PIK3C2G: variants seen among roughly 807,000 people sequenced by gnomAD.
The protein encoded by PIK3C2G is phosphatidylinositol-4-phosphate 3-kinase catalytic subunit type 2 gamma, also known as phosphatidylinositol 3-kinase C2 domain-containing subunit gamma.
In PIK3C2G, 168 loss-of-function variants were observed where a neutral mutation model predicts 181.1. The observed-to-expected ratio is 0.93, with a 90% CI of 0.82 to 1.05. The LOEUF is 1.05. Ranked by LOEUF, PIK3C2G falls within the 50% of genes least tolerant of loss-of-function variation. The pLI, the probability that PIK3C2G is intolerant of heterozygous loss-of-function variation, is 0.00. For synonymous variants in PIK3C2G, 573 were observed against 592.2 expected, an observed-to-expected ratio of 0.97 and a Z score of 0.47; for missense variants, 1,869 against 1,732.8, an observed-to-expected ratio of 1.08 and a Z score of -1.40.
chr12:18,407,701 G>C (rs1401558651), intron 16 of PIK3C2G, among the ~76,000 whole-genome samples: 1 of 152,080 alleles, frequency 6.6e-6, no homozygotes, highest in Non-Finnish European at 1.5e-5. Context: ...TTCTTCAAAG[G>C]AGAAAAGTCT....
chr12:18,478,817 A>G (rs1939258187), intron 18 of PIK3C2G, among the ~76,000 whole-genome samples: 1 of 151,984 alleles, frequency 6.6e-6, no homozygotes. Context: ...TCTACAAAAA[A>G]TTTAAAAATT....
chr12:18,384,668 T>A (rs112226964), intron 14 of PIK3C2G, among the ~76,000 whole-genome samples: 54 of 152,256 alleles, frequency 3.5e-4, no homozygotes, highest in African/African-American at 1.3e-3. Flanking sequence ...AGTTCCTTTA[T>A]CAACATAGAT....
At chr12:18,608,265 T>G (rs1948155328) in intron 30 of PIK3C2G, among the ~76,000 whole-genome samples, 1 of 152,100 alleles carries the variant, frequency 6.6e-6, no homozygotes, top group Non-Finnish European at 1.5e-5. Flanking sequence ...CACGTATGTT[T>G]ATTGCGGCAC....
At chr12:18,488,894 G>C (rs182440558) in intron 19 of PIK3C2G, among the ~76,000 whole-genome samples, 1 of 151,938 alleles carries the variant, frequency 6.6e-6, no homozygotes, top group African/African-American at 2.4e-5. Flanking sequence ...TAGGCAGTTG[G>C]ACTAAACAAG....
chr12:18,317,218 G>T (rs1050744621), intron 6 of PIK3C2G, among the ~76,000 whole-genome samples: 3 of 151,692 alleles, frequency 2.0e-5, no homozygotes, highest in Non-Finnish European at 2.9e-5. Context: ...TCACCATGTT[G>T]GTTAGGCTGG....
chr12:18,349,557 T>C (rs898703472), intron 11 of PIK3C2G, among the ~76,000 whole-genome samples: 1 of 152,184 alleles, frequency 6.6e-6, no homozygotes, highest in East Asian at 1.9e-4. Flanking sequence ...AATAATTTGA[T>C]TAAACAAATT....
At chr12:18,251,972 C>T (rs1403390249) in intron 1 of PIK3C2G, among the ~76,000 whole-genome samples, 1 of 152,038 alleles carries the variant, frequency 6.6e-6, no homozygotes, top group East Asian at 1.9e-4. Context: ...GTAAATGACA[C>T]TTATTCTGTA....
intron 31 of PIK3C2G, among the ~76,000 whole-genome samples, chr12:18,632,890 C>T (rs1949411058): frequency 6.6e-6 from 1 of 152,094 alleles, no homozygotes; most frequent in Admixed American, 6.5e-5. Flanking sequence ...ACAGACATAC[C>T]CTGTATTTAA....
the PIK3C2G span, among the ~76,000 whole-genome samples, chr12:18,669,989 C>G: frequency 1.2e-4 from 18 of 151,956 alleles, no homozygotes; most frequent in Non-Finnish European, 2.4e-4. Context: ...CTTATAAGGG[C>G]ATTAATCCTA....
Position 18,488,570 on chromosome 12 carries a change from A to C in PIK3C2G, c.2626A>C (p.Ile876Leu), listed in dbSNP as rs367947923. The C allele has an allele frequency of 1.3e-6, 2 of 1,577,328 alleles. No homozygotes were observed. The highest frequency in any genetic ancestry group is 1.8e-5 in the Admixed American group (1 of 56,060). The change falls in exon 19 of 33, where the codon ATC becomes CTC. Residue 876 changes from isoleucine to leucine, a missense_variant. By Grantham distance (5) the Ile-to-Leu change is conservative. Transcript: ENST00000538779. The part of the protein sequence containing the change: ...NDEFSKEQKL[I>L]KILGDIGERV... ...TGAGTTTTCCAAGGAGCAGAAACTT[A>C]TCAAAATTCTGGGAGATATTGGGGA...
At position 18,488,436 on chromosome 12, in the gene PIK3C2G, C is replaced by T. The variant is rs1420632939; in HGVS notation, c.2505-13C>T. On this transcript the variant is annotated splice_polypyrimidine_tract_variant and intron_variant, in intron 18 of 32. Transcript: ENST00000538779. ...TTTACATACAAGAATTTTTTTCTCTCTCTTTCCTTCAGGCTGCTAAAAAAT... is the reference window on the plus strand; with the variant it reads ...TTTACATACAAGAATTTTTTTCTCTTTCTTTCCTTCAGGCTGCTAAAAAAT... The T allele has an allele frequency of 2.0e-6, 3 of 1,480,042 alleles. No homozygotes were observed. Among genetic ancestry groups the T allele is most frequent in the African/African-American group, 1.4e-5 (1 of 69,026 alleles). The allele number at this position is 1,480,042 out of a possible 1,614,324, so 91.7% of individuals were successfully genotyped here.
intron 18 of PIK3C2G, among the ~76,000 whole-genome samples, chr12:18,481,294 T>C (rs530400761): frequency 6.6e-6 from 1 of 152,270 alleles, no homozygotes; most frequent in East Asian, 1.9e-4. Flanking sequence ...GGCTCACCTA[T>C]CCTGCATCAG....
chr12:18,499,618 T>C (rs541274462), intron 22 of PIK3C2G, among the ~76,000 whole-genome samples: 4 of 152,324 alleles, frequency 2.6e-5, no homozygotes, highest in Non-Finnish European at 5.9e-5. Context: ...AAAAATTACA[T>C]AGGGGGATGG....
intron 16 of PIK3C2G, among the ~76,000 whole-genome samples, chr12:18,415,457 C>A (rs762615067): frequency 6.6e-6 from 1 of 152,284 alleles, no homozygotes; most frequent in East Asian, 1.9e-4. Flanking sequence ...CTGCTGGCTG[C>A]TCCCTGTCTC....
chr12:18,647,350 C>CG (rs571784040), intron 32 of PIK3C2G, among the ~76,000 whole-genome samples: 43 of 151,718 alleles, frequency 2.8e-4, no homozygotes, highest in Non-Finnish European at 4.7e-4. Context: ...TTGGGTGCTA[C>CG]GTTCACTACT....
At chr12:18,657,151 G>C in the PIK3C2G span, among the ~76,000 whole-genome samples, 7 of 152,294 alleles carry the variant, frequency 4.6e-5, no homozygotes, top group African/African-American at 1.4e-4. Context: ...GGGAGAATTT[G>C]TTTGAAATAT....
At chr12:18,570,694 T>G (rs926338141) in intron 29 of PIK3C2G, among the ~76,000 whole-genome samples, 6 of 150,052 alleles carry the variant, frequency 4.0e-5, no homozygotes, top group African/African-American at 1.5e-4. Context: ...AGTTGAATGG[T>G]GACTGAAGTT....
chr12:18,689,441 T>C, the PIK3C2G span, among the ~76,000 whole-genome samples: 2 of 152,312 alleles, frequency 1.3e-5, no homozygotes, highest in South Asian at 4.1e-4. Flanking sequence ...TGAGATTCTT[T>C]TTGCATTTTT....
chr12:18,688,400 A>G, the PIK3C2G span, among the ~76,000 whole-genome samples: 1 of 152,104 alleles, frequency 6.6e-6, no homozygotes, highest in South Asian at 2.1e-4. Context: ...TTATCAGTAG[A>G]TAAACACCAA....
Sources: allele counts gnomAD v4.1 joint callset (sites outside exome capture counted in the v4.1 genomes callset), GRCh38; gene constraint gnomAD v4.1.1; transcripts MANE v1.5; gene names NCBI Gene and HGNC (gene_info 2026-07-23, HGNC 2026-07-21).